Variants in TTC28 observed in about 807,000 individuals in gnomAD.
TTC28 encodes the protein tetratricopeptide repeat domain 28, also known as tetratricopeptide repeat protein 28.
In TTC28, 61 loss-of-function variants were observed where a neutral mutation model predicts 198.0. That is an observed-to-expected ratio of 0.31 (90% confidence interval 0.25 to 0.38). The LOEUF is 0.38. Among genes scored for constraint, TTC28 ranks in the 10% least tolerant of loss-of-function variants. TTC28 has a pLI of 1.00. For missense variants in TTC28, 2,678 were observed against 3,164.0 expected (o/e 0.85, Z 3.69); for synonymous variants, 1,171 against 1,297.8 (o/e 0.90, Z 2.10).
intron 2 of TTC28, among the ~76,000 whole-genome samples, chr22:28,365,656 AT>A (rs1024723522): frequency 6.6e-6 from 1 of 152,238 alleles, no homozygotes; most frequent in African/African-American, 2.4e-5. Flanking sequence ...GGTGAAGCCC[AT>A]TCTTGTAAAT....
intron 12 of TTC28, 115 bp from the exon 13 acceptor site, chr22:28,030,481 T>G: frequency 1.5e-6 from 2 of 1,316,998 alleles, no homozygotes; most frequent in Non-Finnish European, 2.1e-6. Flanking sequence ...TACCGTTGTC[T>G]CCAGATGACA....
intron 5 of TTC28, among the ~76,000 whole-genome samples, chr22:28,223,452 T>C (rs1191458233): frequency 6.6e-6 from 1 of 152,240 alleles, no homozygotes; most frequent in Admixed American, 6.5e-5. Flanking sequence ...TACAGGAAGC[T>C]ACTATAATGA....
chr22:28,369,487 G>C (rs1165485880), intron 2 of TTC28, among the ~76,000 whole-genome samples: 4 of 152,144 alleles, frequency 2.6e-5, no homozygotes, highest in African/African-American at 9.7e-5. Context: ...TTAGTAACAG[G>C]TCATTCAAAA....
intron 5 of TTC28, among the ~76,000 whole-genome samples, chr22:28,271,320 T>C (rs1932056735): frequency 2.0e-5 from 3 of 152,184 alleles, no homozygotes; most frequent in Non-Finnish European, 4.4e-5. Flanking sequence ...TATTCTTCTC[T>C]GGCATGCTCA....
In TTC28 at chr22:28,552,858, C is replaced by T. The variant is rs1031550754; in HGVS notation, c.381+76694G>A. Among the ~76,000 whole-genome samples the T allele has an allele frequency of 2.9e-3, 444 of 151,762 alleles. 1 individual carries two copies. The highest frequency in any genetic ancestry group is 9.9e-3 in the African/African-American group (411 of 41,416). Reference sequence around the variant, plus strand: ...CCGAGCCAAAGCTGGACTGTACTGCCGCCATCTCAGCTCACTGCAACCTCC... The same window carrying T: ...CCGAGCCAAAGCTGGACTGTACTGCTGCCATCTCAGCTCACTGCAACCTCC... On this transcript the variant is annotated intron_variant, in intron 2 of 22. Transcript: ENST00000397906.
chr22:28,066,132 C>T (rs1940736292), intron 12 of TTC28, among the ~76,000 whole-genome samples: 1 of 150,724 alleles, frequency 6.6e-6, no homozygotes, highest in Non-Finnish European at 1.5e-5. Flanking sequence ...ATTTTTTTTT[C>T]CAGCCTTACT....
At chr22:28,382,819 T>C (rs2046516013) in intron 2 of TTC28, among the ~76,000 whole-genome samples, 1 of 152,140 alleles carries the variant, frequency 6.6e-6, no homozygotes, top group Non-Finnish European at 1.5e-5. Context: ...GAAAGACATA[T>C]CATCATAAAT....
At chr22:28,618,199 CAGA>C (rs2146175138) in intron 2 of TTC28, among the ~76,000 whole-genome samples, 1 of 151,802 alleles carries the variant, frequency 6.6e-6, no homozygotes, top group South Asian at 2.1e-4. Flanking sequence ...TGCTTGAACC[CAGA>C]AGACAGAGGT....
intron 5 of TTC28, among the ~76,000 whole-genome samples, chr22:28,266,542 T>A (rs1213577973): frequency 6.6e-6 from 1 of 152,282 alleles, no homozygotes; most frequent in Non-Finnish European, 1.5e-5. Context: ...TAGCATAAGA[T>A]TGACAAGCAC....
chr22:28,548,688 C>T (rs994181871), intron 2 of TTC28, among the ~76,000 whole-genome samples: 8 of 152,168 alleles, frequency 5.3e-5, no homozygotes, highest in Non-Finnish European at 4.4e-5. Context: ...GGTAAAACTG[C>T]CATTTGGAAA....
At chr22:28,088,834 T>C (rs183862979) in intron 12 of TTC28, among the ~76,000 whole-genome samples, 1,592 of 151,704 alleles carry the variant, frequency 0.01, 32 homozygotes, top group African/African-American at 0.036. Context: ...ACAAACAACC[T>C]CATCAAAAAG....
In TTC28 at chr22:28,607,357, A is replaced by AT. The variant is rs547589466; in HGVS notation, c.381+22194dup. Among the ~76,000 whole-genome samples, 6 of 152,224 alleles carry AT rather than the reference A, an allele frequency of 3.9e-5. No individual in the cohort carries two copies. The South Asian group carries it at 1.2e-3, about 32-fold the overall frequency. ...AACTTGGAAGTGTAGAAGTAAATGT[A>AT]TTTTTTCTCTCCCATAGTTAGAATA... On this transcript the variant is annotated intron_variant, in intron 2 of 22. Coordinates refer to ENST00000397906, the MANE Select transcript of TTC28 (RefSeq NM_001145418.2).
intron 1 of TTC28, among the ~76,000 whole-genome samples, chr22:28,675,995 T>C (rs12160692): frequency 4.6e-5 from 7 of 152,224 alleles, no homozygotes; most frequent in African/African-American, 1.4e-4. Context: ...ATGACCCAGA[T>C]AGTCTATTCC....
At chr22:28,495,593 T>TA (rs760496472) in intron 2 of TTC28, among the ~76,000 whole-genome samples, 24 of 151,996 alleles carry the variant, frequency 1.6e-4, no homozygotes, top group Non-Finnish European at 2.5e-4. Flanking sequence ...TCAAAAACAA[T>TA]AAAGAAACTA....
intron 1 of TTC28, among the ~76,000 whole-genome samples, chr22:28,652,898 G>C (rs1405678672): frequency 6.6e-6 from 1 of 152,008 alleles, no homozygotes; most frequent in Non-Finnish European, 1.5e-5. Flanking sequence ...ATATACCACA[G>C]AATACCTATA....
intron 2 of TTC28, among the ~76,000 whole-genome samples, chr22:28,567,419 ACACT>A (rs1307299623): frequency 7.0e-6 from 1 of 143,682 alleles, no homozygotes. Flanking sequence ...ATATATATAC[ACACT>A]CACATATATA....
chr22:28,305,192 C>T (rs1474655912), intron 3 of TTC28, among the ~76,000 whole-genome samples: 1 of 151,948 alleles, frequency 6.6e-6, no homozygotes, highest in Non-Finnish European at 1.5e-5. Context: ...AGGGTTTCAC[C>T]GTGTTGGTCA....
chr22:28,343,667 T>C, intron 2 of TTC28, among the ~76,000 whole-genome samples: 1 of 152,166 alleles, frequency 6.6e-6, no homozygotes, highest in East Asian at 1.9e-4. Flanking sequence ...GAGATGAATA[T>C]ACTTTAATTT....
intron 1 of TTC28, among the ~76,000 whole-genome samples, chr22:28,634,505 CAAAA>C (rs900765994): frequency 4.4e-5 from 2 of 45,544 alleles, no homozygotes; most frequent in Non-Finnish European, 4.8e-5. Context: ...GACTCCATCT[CAAAA>C]AAAAAAAAAA....
Sources: gnomAD v4.1 joint callset for allele counts (sites outside exome capture counted in the v4.1 genomes callset) on GRCh38, gnomAD v4.1.1 for gene constraint, MANE v1.5 for transcripts, NCBI Gene and HGNC (gene_info 2026-07-23, HGNC 2026-07-21) for gene names.